Variants in DLGAP3 observed in about 807,000 individuals in gnomAD.
The protein encoded by DLGAP3 is disks large-associated protein 3.
A neutral mutation model predicts 81.2 loss-of-function variants in DLGAP3; 17 were observed. The observed-to-expected ratio is 0.21, with a 90% CI of 0.14 to 0.31. DLGAP3 has a LOEUF of 0.31. DLGAP3 is among the 10% of genes least tolerant of loss of function. The pLI is 1.00. For missense variants in DLGAP3, 1,124 were observed against 1,388.0 expected (o/e 0.81, Z 3.02); for synonymous variants, 577 against 587.4 (o/e 0.98, Z 0.26).
At chr1:34,876,456 G>A (rs1035149224) in intron 8 of DLGAP3, among the ~76,000 whole-genome samples, 4 of 152,220 alleles carry the variant, frequency 2.6e-5, no homozygotes, top group Admixed American at 2.6e-4. Flanking sequence ...ATGGGGCTGG[G>A]CTGTGTGTGG....
At chr1:34,871,162 C>T (rs1638973230) in intron 8 of DLGAP3, among the ~76,000 whole-genome samples, 1 of 152,112 alleles carries the variant, frequency 6.6e-6, no homozygotes, top group Admixed American at 6.5e-5. Context: ...TTCCACAGCC[C>T]CCTACTACCA....
chr1:34,874,356 C>A (rs1399968425), intron 8 of DLGAP3, among the ~76,000 whole-genome samples: 1 of 152,116 alleles, frequency 6.6e-6, no homozygotes, highest in Non-Finnish European at 1.5e-5. Flanking sequence ...CAGTCAAACC[C>A]ACTCCTAACT....
At chr1:34,874,509 C>T (rs1053008854) in intron 8 of DLGAP3, among the ~76,000 whole-genome samples, 1 of 152,172 alleles carries the variant, frequency 6.6e-6, no homozygotes, top group Non-Finnish European at 1.5e-5. Context: ...GTCATTAATG[C>T]GTAACAATGC....
intron 1 of DLGAP3, among the ~76,000 whole-genome samples, chr1:34,925,193 C>CA (rs1430318154): frequency 2.0e-5 from 3 of 146,412 alleles, no homozygotes; most frequent in Non-Finnish European, 4.4e-5. Flanking sequence ...ACCCCCCCCC[C>CA]ACCTTCCCTC....
At chr1:34,892,635 C>T (rs1046828384) in intron 5 of DLGAP3, among the ~76,000 whole-genome samples, 1 of 152,010 alleles carries the variant, frequency 6.6e-6, no homozygotes, top group Non-Finnish European at 1.5e-5. Context: ...CTACTGCCTC[C>T]ACTTCCCAAG....
intron 5 of DLGAP3, among the ~76,000 whole-genome samples, chr1:34,897,573 T>G (rs1639397841): frequency 6.6e-6 from 1 of 152,108 alleles, no homozygotes; most frequent in Non-Finnish European, 1.5e-5. Context: ...GGTCACCAGG[T>G]CATGCAGGCC....
chr1:34,908,223 T>G (rs1296512454), intron 1 of DLGAP3, among the ~76,000 whole-genome samples: 1 of 152,188 alleles, frequency 6.6e-6, no homozygotes, highest in Non-Finnish European at 1.5e-5. Flanking sequence ...AAACACTCAC[T>G]AAGTAGATGA....
At position 34,929,488 on chromosome 1, in the gene DLGAP3, C is replaced by A. The variant is rs1407766314; in HGVS notation, c.-172G>T. The A allele has an allele frequency of 1.3e-5, 2 of 148,358 alleles. No homozygotes were observed. Among genetic ancestry groups the A allele is most frequent in the South Asian group, 4.2e-4 (2 of 4,818 alleles). 9.2% of individuals were successfully genotyped at this position (148,358 alleles called of 1,614,324 possible). A position where few individuals can be genotyped will look rare whatever the true frequency, so the allele number is the denominator to read the frequency against. ...GGGCTCCGGCCGGGTTACATGGTGC[C>A]GGCGGCCCGGGCCGGGGGCGCTGCG... is the stretch of plus-strand genomic sequence containing the variant. On this transcript the variant is annotated 5_prime_UTR_variant, in exon 1 of 12. Coordinates refer to ENST00000373347, the MANE Select transcript of DLGAP3 (RefSeq NM_001080418.3). The surrounding 1 kb of genome is among the most constrained non-coding windows in gnomAD (Gnocchi z 6.5).
rs576441702 is a variant in DLGAP3, at chr1:34,929,290, G to A, written c.-135+161C>T. Reference sequence around the variant, plus strand: ...CAGCCAGGCCGGGGCAGGAGCGGGGGCAGCTGAGGAGGCCCAGCCCCTCCC... The same window carrying A: ...CAGCCAGGCCGGGGCAGGAGCGGGGACAGCTGAGGAGGCCCAGCCCCTCCC... On this transcript the variant is annotated intron_variant, in intron 1 of 11. Coordinates refer to ENST00000373347, the MANE Select transcript of DLGAP3 (RefSeq NM_001080418.3). The surrounding 1 kb of genome is among the most constrained non-coding windows in gnomAD (Gnocchi z 6.5). Among the ~76,000 whole-genome samples the A allele has an allele frequency of 6.4e-3, 968 of 150,840 alleles. 14 individuals are homozygous for A. Among genetic ancestry groups the A allele is most frequent in the African/African-American group, 0.022 (914 of 41,382 alleles).
intron 8 of DLGAP3, among the ~76,000 whole-genome samples, chr1:34,882,446 C>T (rs1237114027): frequency 6.6e-6 from 1 of 152,052 alleles, no homozygotes; most frequent in Non-Finnish European, 1.5e-5. Context: ...CCACTGCACT[C>T]CAGCCTGGAC....
intron 1 of DLGAP3, among the ~76,000 whole-genome samples, chr1:34,915,721 C>T (rs983960753): frequency 2.6e-5 from 4 of 152,202 alleles, no homozygotes; most frequent in Non-Finnish European, 5.9e-5. Flanking sequence ...CTCAGCTCTG[C>T]CTGAAACCCT....
At chr1:34,909,756 A>G (rs917490608) in intron 1 of DLGAP3, among the ~76,000 whole-genome samples, 4 of 152,046 alleles carry the variant, frequency 2.6e-5, no homozygotes, top group South Asian at 2.1e-4. Context: ...AACAAAATCA[A>G]TGGGAGGGAA....
chr1:34,920,700 A>G (rs543482366), intron 1 of DLGAP3, among the ~76,000 whole-genome samples: 1 of 152,060 alleles, frequency 6.6e-6, no homozygotes, highest in African/African-American at 2.4e-5. Flanking sequence ...CTTTCTCCTC[A>G]CTGGCTGCCG....
intron 1 of DLGAP3, among the ~76,000 whole-genome samples, chr1:34,911,606 C>T (rs1352791957): frequency 6.6e-6 from 1 of 152,184 alleles, no homozygotes; most frequent in African/African-American, 2.4e-5. Context: ...ACAAATTCTT[C>T]TCTGATGCAG....
intron 5 of DLGAP3, among the ~76,000 whole-genome samples, chr1:34,892,164 G>A (rs965064979): frequency 6.6e-6 from 1 of 152,158 alleles, no homozygotes; most frequent in Non-Finnish European, 1.5e-5. Flanking sequence ...AACAAAGAGA[G>A]AGAGATTAAA....
rs1176638772 is a variant in DLGAP3, at chr1:34,882,116, TA to T, written c.2000+2861del. On this transcript the variant is annotated intron_variant, in intron 8 of 11. Transcript: ENST00000373347. Reference sequence around the variant, plus strand: ...ATGATTTTCAGATAACCTATGAGACTAATAAGAGAGACCTAATTCAGCAGCA... The same window carrying T: ...ATGATTTTCAGATAACCTATGAGACTATAAGAGAGACCTAATTCAGCAGCA... Among the ~76,000 whole-genome samples the T allele has an allele frequency of 4.0e-4, 61 of 152,342 alleles. 1 individual carries two copies. Among genetic ancestry groups the T allele is most frequent in the African/African-American group, 1.4e-3 (57 of 41,586 alleles).
chr1:34,923,200 A>G (rs576585777), intron 1 of DLGAP3, among the ~76,000 whole-genome samples: 5 of 152,178 alleles, frequency 3.3e-5, no homozygotes, highest in East Asian at 1.9e-4. Flanking sequence ...AACACTCTCA[A>G]ACTCCAAAAG....
At chr1:34,917,551 GC>G (rs1209939506) in intron 1 of DLGAP3, among the ~76,000 whole-genome samples, 2 of 151,910 alleles carry the variant, frequency 1.3e-5, no homozygotes, top group Non-Finnish European at 2.9e-5. Flanking sequence ...TCACTATGTT[GC>G]CCCAGCTGGT....
At chr1:34,916,373 G>T (rs1226147444) in intron 1 of DLGAP3, among the ~76,000 whole-genome samples, 5 of 152,208 alleles carry the variant, frequency 3.3e-5, no homozygotes, top group Admixed American at 6.5e-5. Flanking sequence ...ACAACCTCTG[G>T]TGCCTTTCAA....
Sources: allele counts gnomAD v4.1 joint callset (sites outside exome capture counted in the v4.1 genomes callset), GRCh38; gene constraint gnomAD v4.1.1; non-coding constraint Gnocchi (gnomAD v3.1); transcripts MANE v1.5; gene names NCBI Gene and HGNC (gene_info 2026-07-23, HGNC 2026-07-21).